AKNA: variants seen among roughly 807,000 people sequenced by gnomAD.
AKNA encodes microtubule organization protein AKNA.
Under a neutral mutation model 138.8 loss-of-function variants are expected in AKNA, and 67 were observed. The observed-to-expected ratio is 0.48, with a 90% CI of 0.40 to 0.59. The LOEUF (loss-of-function observed/expected upper bound fraction) is 0.59. Among genes scored for constraint, AKNA ranks in the 20% least tolerant of loss-of-function variants. The pLI is 0.00. For missense variants in AKNA, 1,813 were observed against 1,880.4 expected, an observed-to-expected ratio of 0.96 and a Z score of 0.66; for synonymous variants, 737 against 754.4, an observed-to-expected ratio of 0.98 and a Z score of 0.38.
intron 3 of AKNA, among the ~76,000 whole-genome samples, chr9:114,374,818 C>A (rs1833050141): frequency 6.6e-6 from 1 of 152,214 alleles, no homozygotes; most frequent in Admixed American, 6.5e-5. Flanking sequence ...CATTATGGGT[C>A]AGTAACGGTA....
chr9:114,374,209 C>A, intron 3 of AKNA, 42 bp from the exon 4 acceptor site: 7 of 1,534,006 alleles, frequency 4.6e-6, no homozygotes, highest in Non-Finnish European at 6.2e-6. Context: ...CGCAGGCACA[C>A]AATGAACCCC....
intron 3 of AKNA, among the ~76,000 whole-genome samples, chr9:114,375,228 A>C (rs989342705): frequency 2.0e-5 from 3 of 152,238 alleles, no homozygotes; most frequent in Non-Finnish European, 4.4e-5. Flanking sequence ...ATGAAAAGAG[A>C]CCACAGCACA....
intron 14 of AKNA, among the ~76,000 whole-genome samples, chr9:114,353,420 C>G (rs888143571): frequency 2.8e-4 from 42 of 152,100 alleles, no homozygotes; most frequent in African/African-American, 1.0e-3. Context: ...CCAGCCACCA[C>G]GTCTGGCTAA....
In AKNA at chr9:114,356,034, C is replaced by T. The variant is rs761641769; in HGVS notation, c.2949G>A (p.Glu983=). The T allele has an allele frequency of 1.9e-6, 3 of 1,614,146 alleles. No individual in the cohort carries two copies. Among genetic ancestry groups the T allele is most frequent in the Non-Finnish European group, 2.5e-6 (3 of 1,180,034 alleles). ...RGSLIPRRAT[E]PSTPRSQAQR... The stretch of plus-strand genomic sequence containing the variant: ...GTGCTTGGCTCCGGGGTGTGCTGGG[C>T]TCTGTGGCTCTTCTGGGAATCAGAG... Residue 983 remains glutamate (E), a synonymous_variant, in exon 14 of 22, where the codon GAG becomes GAA. Coordinates refer to ENST00000374088, the MANE Select transcript of AKNA (RefSeq NM_001317950.2).
chr9:114,381,890 C>T (rs1392594682), intron 1 of AKNA, among the ~76,000 whole-genome samples: 1 of 152,060 alleles, frequency 6.6e-6, no homozygotes, highest in Non-Finnish European at 1.5e-5. Context: ...ACCTTGTGAT[C>T]CACCCGCCTT....
At chr9:114,352,738 T>A (rs959725923) in intron 14 of AKNA, among the ~76,000 whole-genome samples, 9 of 151,938 alleles carry the variant, frequency 5.9e-5, no homozygotes, top group Non-Finnish European at 8.8e-5. Context: ...CTGACCAACA[T>A]GGTGAAACCC....
At chr9:114,351,094 G>T in intron 14 of AKNA, 73 bp from the exon 15 acceptor site, 1 of 1,466,836 alleles carries the variant, frequency 6.8e-7, no homozygotes, top group Non-Finnish European at 9.3e-7. Flanking sequence ...TGTGCAGGTG[G>T]AATGATGGGG....
At chr9:114,371,503 C>A (rs149127920) in intron 4 of AKNA, among the ~76,000 whole-genome samples, 2 of 152,364 alleles carry the variant, frequency 1.3e-5, no homozygotes, top group Non-Finnish European at 2.9e-5. Context: ...AGGGCTTACC[C>A]AGGCATGAGG....
At chr9:114,341,508 G>A (rs778842086) in intron 21 of AKNA, 25 bp downstream of exon 21, 1 of 1,613,680 alleles carries the variant, frequency 6.2e-7, no homozygotes. Flanking sequence ...AAAGAGGCTG[G>A]GAAGGTCAGA....
intron 6 of AKNA, among the ~76,000 whole-genome samples, chr9:114,366,373 T>C (rs1290332432): frequency 6.6e-6 from 1 of 151,994 alleles, no homozygotes; most frequent in Non-Finnish European, 1.5e-5. Flanking sequence ...GTGACAGATG[T>C]CAGACACAGG....
intron 21 of AKNA, 79 bp from the exon 22 acceptor site, chr9:114,337,385 C>G: frequency 1.1e-5 from 15 of 1,335,690 alleles, no homozygotes; most frequent in Non-Finnish European, 1.5e-5. Flanking sequence ...GTGGGGTCAA[C>G]CCCCTTCTAA....
chr9:114,384,114 C>A (rs1370329747), intron 1 of AKNA, among the ~76,000 whole-genome samples: 2 of 152,244 alleles, frequency 1.3e-5, no homozygotes, highest in Non-Finnish European at 2.9e-5. Flanking sequence ...CAGCTACTTC[C>A]TGCCACAGCA....
chr9:114,337,664 C>T (rs946367858), intron 21 of AKNA, among the ~76,000 whole-genome samples: 1 of 152,008 alleles, frequency 6.6e-6, no homozygotes, highest in Non-Finnish European at 1.5e-5. Context: ...CTTCTTGGAG[C>T]CGGATCTTGG....
At position 114,342,005 on chromosome 9, in the gene AKNA, C is replaced by T; in HGVS notation, c.3874+4G>A. On this transcript the variant is annotated splice_donor_region_variant and intron_variant, in intron 20 of 21. Transcript: ENST00000374088. ...CTAAGAGAAGAAACAGTATTTGTCC[C>T]TACCAGAGGTGGCTGAGCCTGGACC... 6.2e-7 allele frequency: 1 copy of T among 1,610,900 alleles called. No individual in the cohort carries two copies. Among genetic ancestry groups the T allele is most frequent in the South Asian group, 1.1e-5 (1 of 91,008 alleles).
At chr9:114,397,950 G>A (rs1336368358), upstream of AKNA, among the ~76,000 whole-genome samples, 1 of 152,160 alleles carries the variant, frequency 6.6e-6, no homozygotes, top group Non-Finnish European at 1.5e-5. Context: ...TTGTTGCTGG[G>A]TGAACGAATC....
intron 14 of AKNA, among the ~76,000 whole-genome samples, chr9:114,351,912 A>G (rs1300419789): frequency 1.3e-5 from 2 of 152,238 alleles, no homozygotes; most frequent in Non-Finnish European, 2.9e-5. Context: ...GGAGCTAACT[A>G]TTAATACACA....
chr9:114,352,426 A>G (rs1831190070), intron 14 of AKNA, among the ~76,000 whole-genome samples: 1 of 147,066 alleles, frequency 6.8e-6, no homozygotes. Context: ...GGTGAAACCC[A>G]TTTCTACTAA....
At chr9:114,379,443 G>A (rs532039354) in intron 2 of AKNA, among the ~76,000 whole-genome samples, 6 of 152,286 alleles carry the variant, frequency 3.9e-5, no homozygotes, top group African/African-American at 9.6e-5. Context: ...CTGCCCTGTC[G>A]ACCCAGTGCA....
chr9:114,385,934 G>A (rs1310333254), intron 1 of AKNA, among the ~76,000 whole-genome samples: 4 of 152,212 alleles, frequency 2.6e-5, no homozygotes, highest in Non-Finnish European at 5.9e-5. Context: ...GTATAGCTGG[G>A]CTTGCATTTT....
Sources: gnomAD v4.1 joint callset for allele counts (sites outside exome capture counted in the v4.1 genomes callset) on GRCh38, gnomAD v4.1.1 for gene constraint, MANE v1.5 for transcripts, NCBI Gene and HGNC (gene_info 2026-07-23, HGNC 2026-07-21) for gene names.